ADGRG7: variants seen among roughly 807,000 people sequenced by gnomAD.
The protein encoded by ADGRG7 is G-protein coupled receptor 128.
Under a neutral mutation model 88.6 loss-of-function variants are expected in ADGRG7, and 82 were observed. The ratio of observed to expected loss-of-function variants is 0.93; its 90% CI spans 0.77 to 1.11. The LOEUF (loss-of-function observed/expected upper bound fraction) is 1.11, where lower values mean the gene tolerates loss of function less well. ADGRG7 is among the 50% of genes most tolerant of loss of function. The probability of loss-of-function intolerance (pLI) is 0.00; values close to 1 mark genes in which losing one functional copy is unlikely to be tolerated. For missense variants in ADGRG7, 945 were observed against 953.4 expected (o/e 0.99, Z 0.12); for synonymous variants, 381 against 345.2 (o/e 1.10, Z -1.15).
chr3:100,609,609 C>T lies in ADGRG7; in HGVS notation c.-248C>T. On this transcript the variant is annotated 5_prime_UTR_variant, in exon 1 of 16. Coordinates refer to ENST00000273352, the MANE Select transcript of ADGRG7 (RefSeq NM_032787.3). Reference sequence around the variant, plus strand: ...TTCCCATAACTCTAATCACTTTTTTCATGTTCTCCTTGAGTGAAGGATGAG... The same window carrying T: ...TTCCCATAACTCTAATCACTTTTTTTATGTTCTCCTTGAGTGAAGGATGAG... The T allele has an allele frequency of 2.7e-6, 1 of 367,924 alleles. No homozygotes were observed. The allele number at this position is 367,924 out of a possible 1,614,324, so 22.8% of individuals were successfully genotyped here. A position where few individuals can be genotyped will look rare whatever the true frequency, so the allele number is the denominator to read the frequency against.
chr3:100,628,206 G>T (rs764293955), intron 1 of ADGRG7, among the ~76,000 whole-genome samples: 1 of 151,952 alleles, frequency 6.6e-6, no homozygotes, highest in Non-Finnish European at 1.5e-5. Flanking sequence ...TAGAGACTTC[G>T]AATACCTTTC....
chr3:100,673,718 A>G (rs1248416253), intron 15 of ADGRG7, among the ~76,000 whole-genome samples: 1 of 151,904 alleles, frequency 6.6e-6, no homozygotes, highest in East Asian at 1.9e-4. Flanking sequence ...TGGCCTCCCA[A>G]AGTGTTGGGA....
chr3:100,630,137 C>T (rs1415944155), intron 2 of ADGRG7, among the ~76,000 whole-genome samples: 1 of 152,090 alleles, frequency 6.6e-6, no homozygotes, highest in Non-Finnish European at 1.5e-5. Context: ...TTTATCTTTT[C>T]TTCCTCTACC....
chr3:100,695,251 A>G lies in ADGRG7; in HGVS notation c.*250A>G, dbSNP rs1166777470. Reference sequence around the variant, plus strand: ...ACATACAAGAGTACCATTGTTCCTTATATCGTTAAATCTTTGTGACACACT... The same window carrying G: ...ACATACAAGAGTACCATTGTTCCTTGTATCGTTAAATCTTTGTGACACACT... On this transcript the variant is annotated 3_prime_UTR_variant, in exon 16 of 16. Transcript: ENST00000273352. 3 of 405,140 alleles carry G rather than the reference A, an allele frequency of 7.4e-6. No homozygotes were observed. Among genetic ancestry groups the G allele is most frequent in the Non-Finnish European group, 1.3e-5 (3 of 227,850 alleles). The allele number at this position is 405,140 out of a possible 1,614,324, so 25.1% of individuals were successfully genotyped here.
At chr3:100,644,416 C>G (rs930446742) in intron 8 of ADGRG7, among the ~76,000 whole-genome samples, 5 of 152,094 alleles carry the variant, frequency 3.3e-5, no homozygotes, top group Non-Finnish European at 5.9e-5. Context: ...TCTTCTTGTG[C>G]ATTTTTTCTT....
chr3:100,647,724 A>G (rs1054653543), intron 10 of ADGRG7, among the ~76,000 whole-genome samples: 1 of 152,010 alleles, frequency 6.6e-6, no homozygotes, highest in Non-Finnish European at 1.5e-5. Flanking sequence ...AAGTTAGTTT[A>G]TATACTTGAT....
chr3:100,670,529 G>A (rs1054188892), intron 15 of ADGRG7, among the ~76,000 whole-genome samples: 4 of 152,218 alleles, frequency 2.6e-5, no homozygotes, highest in South Asian at 4.1e-4. Flanking sequence ...TCTAGCAGTA[G>A]GATTGCTGGA....
At chr3:100,631,972 A>T (rs1462238309) in intron 3 of ADGRG7, among the ~76,000 whole-genome samples, 1 of 152,106 alleles carries the variant, frequency 6.6e-6, no homozygotes, top group African/African-American at 2.4e-5. Flanking sequence ...TTTTTTACTC[A>T]CAGCGTAAAA....
At chr3:100,622,382 A>G (rs571358919) in intron 1 of ADGRG7, among the ~76,000 whole-genome samples, 3 of 150,350 alleles carry the variant, frequency 2.0e-5, no homozygotes, top group East Asian at 2.0e-4. Context: ...GCAGTTGACT[A>G]TATTTGCATG....
At chr3:100,634,817 A>C (rs1028179122) in intron 4 of ADGRG7, among the ~76,000 whole-genome samples, 5 of 152,312 alleles carry the variant, frequency 3.3e-5, no homozygotes, top group Middle Eastern at 3.4e-3. Flanking sequence ...TTGCTTATTA[A>C]ATGTGATAAC....
rs772196729 is a variant in ADGRG7, at chr3:100,643,682, G to T, written c.946+49G>T. ...TTAAAAAAATGGACTCGAATTCATG[G>T]AACTAATAACTTCTAATTTACTCTA... is the stretch of plus-strand genomic sequence containing the variant. On this transcript the variant is annotated intron_variant, in intron 8 of 15. Transcript: ENST00000273352. 7.4e-6 allele frequency: 9 copies of T among 1,214,566 alleles called. No homozygotes were observed. In the South Asian group the frequency reaches 1.1e-4, roughly 15 times the overall value. The allele number at this position is 1,214,566 out of a possible 1,614,324, so 75.2% of individuals were successfully genotyped here. A position where few individuals can be genotyped will look rare whatever the true frequency, so the allele number is the denominator to read the frequency against.
chr3:100,614,101 C>T (rs1022115354), intron 1 of ADGRG7, among the ~76,000 whole-genome samples: 2 of 152,142 alleles, frequency 1.3e-5, no homozygotes, highest in African/African-American at 4.8e-5. Flanking sequence ...GGCTGCTATC[C>T]TCTAGGTATT....
At chr3:100,650,588 G>C (rs1424545162) in intron 11 of ADGRG7, among the ~76,000 whole-genome samples, 1 of 152,144 alleles carries the variant, frequency 6.6e-6, no homozygotes, top group African/African-American at 2.4e-5. Flanking sequence ...ATTATTTTTG[G>C]TGGGAATACT....
At chr3:100,682,341 G>A (rs1280868883) in intron 15 of ADGRG7, among the ~76,000 whole-genome samples, 1 of 152,186 alleles carries the variant, frequency 6.6e-6, no homozygotes, top group African/African-American at 2.4e-5. Context: ...GGCCCGAGAT[G>A]TAGAGCTGGG....
chr3:100,623,058 T>C (rs1707336976), intron 1 of ADGRG7, among the ~76,000 whole-genome samples: 1 of 152,150 alleles, frequency 6.6e-6, no homozygotes, highest in African/African-American at 2.4e-5. Context: ...CCACTGTGTC[T>C]GGCCTATTTT....
chr3:100,619,418 G>A (rs1707275788), intron 1 of ADGRG7, among the ~76,000 whole-genome samples: 1 of 152,106 alleles, frequency 6.6e-6, no homozygotes, highest in Admixed American at 6.6e-5. Flanking sequence ...GTGTGTAGAG[G>A]GAAATTTATA....
intron 5 of ADGRG7, among the ~76,000 whole-genome samples, chr3:100,636,250 G>T (rs1520651): frequency 0.51 from 77,811 of 152,014 alleles, 21,865 homozygotes; most frequent in South Asian, 0.76. Flanking sequence ...CTTTTAGGAA[G>T]TCCTGGAATG....
chr3:100,637,388 T>A lies in ADGRG7; in HGVS notation c.684T>A (p.Asp228Glu), dbSNP rs778822058. The A allele has an allele frequency of 1.9e-6, 3 of 1,612,246 alleles. No individual in the cohort carries two copies. Residue 228 changes from aspartate to glutamate, a missense_variant, in exon 6 of 16, where the codon GAT (aspartate) becomes GAA (glutamate). Coordinates refer to ENST00000273352, the MANE Select transcript of ADGRG7 (RefSeq NM_032787.3). Reference protein sequence around the residue: ...AFQRVAATANDDALTTLIEQM... With the variant: ...AFQRVAATANEDALTTLIEQM... ...AAAGAGTTGCTGCTACTGCTAATGA[T>A]GATGCCCTTACAACGTAAGCACAAA...
intron 15 of ADGRG7, among the ~76,000 whole-genome samples, chr3:100,679,572 T>G (rs531971665): frequency 5.4e-4 from 82 of 152,308 alleles, no homozygotes; most frequent in Non-Finnish European, 9.7e-4. Context: ...ACCTCTCTCC[T>G]CCTTACAGAC....
Sources: gnomAD v4.1 joint callset for allele counts (sites outside exome capture counted in the v4.1 genomes callset) on GRCh38, gnomAD v4.1.1 for gene constraint, MANE v1.5 for transcripts, NCBI Gene and HGNC (gene_info 2026-07-23, HGNC 2026-07-21) for gene names.